ARHGAP10: variants seen among roughly 807,000 people sequenced by gnomAD.
The protein encoded by ARHGAP10 is rho GTPase-activating protein 10.
ARHGAP10 carries 87 observed loss-of-function variants against 108.6 expected under a neutral mutation model. The observed-to-expected ratio is 0.80, with a 90% CI of 0.67 to 0.96. The LOEUF is 0.96. ARHGAP10 is among the 40% of genes least tolerant of loss of function. The pLI is 0.00. For missense variants in ARHGAP10, 939 were observed against 954.5 expected (o/e 0.98, Z 0.21); for synonymous variants, 347 against 341.1 (o/e 1.02, Z -0.19).
In ARHGAP10 at chr4:147,932,622, G is replaced by A. The variant is rs547310146; in HGVS notation, c.1229-7203G>A. Among the ~76,000 whole-genome samples the A allele has an allele frequency of 5.3e-5, 8 of 151,206 alleles. No individual in the cohort carries two copies. In the East Asian group the frequency reaches 1.6e-3, roughly 29 times the overall value. On this transcript the variant is annotated intron_variant, in intron 13 of 22. Transcript: ENST00000336498. ...AAATAATAACACATGGACACATGGG[G>A]GGAACAACACACACTGGGACCTGTC...
intron 12 of ARHGAP10, among the ~76,000 whole-genome samples, chr4:147,912,416 C>T (rs886278175): frequency 1.3e-5 from 2 of 151,220 alleles, no homozygotes; most frequent in African/African-American, 4.9e-5. Flanking sequence ...TGGCGGGCAC[C>T]TGTAATGGCA....
At chr4:148,063,728 G>C (rs1263902743) in intron 21 of ARHGAP10, among the ~76,000 whole-genome samples, 1 of 152,214 alleles carries the variant, frequency 6.6e-6, no homozygotes. Context: ...TCCACCTGTA[G>C]TGGCTCAGGT....
In ARHGAP10 at chr4:147,866,768, C is replaced by G. The variant is rs995191186; in HGVS notation, c.654C>G (p.Ala218=). 7 of 1,613,656 alleles carry G rather than the reference C, an allele frequency of 4.3e-6. No individual in the cohort carries two copies. In the African/African-American group the frequency reaches 6.7e-5, roughly 15 times the overall value. The change falls in exon 7 of 23, where the codon GCC becomes GCG. Residue 218 remains alanine, a synonymous_variant. Coordinates refer to ENST00000336498, the MANE Select transcript of ARHGAP10 (RefSeq NM_024605.4). ...TCTATCATCAGGGCCATGAACTTGC[C>G]AAAGACTTCAATCACTACAAAATGG... ...FTFYHQGHEL[A]KDFNHYKMEL...
chr4:147,810,175 G>A (rs1169600609), intron 1 of ARHGAP10, among the ~76,000 whole-genome samples: 1 of 152,172 alleles, frequency 6.6e-6, no homozygotes, highest in Non-Finnish European at 1.5e-5. Flanking sequence ...ACCATTACAG[G>A]CGAGAGATCA....
intron 18 of ARHGAP10, 149 bp from the exon 19 acceptor site, chr4:148,023,114 C>A (rs1741631897): frequency 5.5e-6 from 4 of 726,800 alleles, no homozygotes; most frequent in Admixed American, 3.0e-5. Flanking sequence ...AAGGCTATGA[C>A]CTCTTCCCTT....
chr4:147,968,254 C>G (rs531924960), intron 18 of ARHGAP10, among the ~76,000 whole-genome samples: 1 of 152,278 alleles, frequency 6.6e-6, no homozygotes, highest in South Asian at 2.1e-4. Context: ...GCCTCTCTCC[C>G]GCTGTCTCAA....
At chr4:147,768,552 AT>A (rs1170435091) in intron 1 of ARHGAP10, among the ~76,000 whole-genome samples, 4 of 152,138 alleles carry the variant, frequency 2.6e-5, no homozygotes, top group African/African-American at 9.7e-5. Context: ...TACTTACTAA[AT>A]TTTCTCTGAA....
At chr4:147,800,674 GT>G (rs964339690) in intron 1 of ARHGAP10, among the ~76,000 whole-genome samples, 11 of 152,134 alleles carry the variant, frequency 7.2e-5, no homozygotes, top group African/African-American at 2.4e-4. Context: ...TCACAAACTG[GT>G]TTGTTTTCTT....
chr4:148,039,378 T>C (rs1432478722), intron 19 of ARHGAP10, among the ~76,000 whole-genome samples: 1 of 139,268 alleles, frequency 7.2e-6, no homozygotes, highest in Non-Finnish European at 1.5e-5. Context: ...ATTTTTTTTT[T>C]TTTTTTTTTT....
intron 1 of ARHGAP10, among the ~76,000 whole-genome samples, chr4:147,772,723 T>C (rs960374658): frequency 6.6e-6 from 1 of 152,264 alleles, no homozygotes; most frequent in Non-Finnish European, 1.5e-5. Flanking sequence ...ATTCTACAAA[T>C]GTTATTACAG....
At chr4:147,776,525 G>A (rs1424609955) in intron 1 of ARHGAP10, among the ~76,000 whole-genome samples, 1 of 152,146 alleles carries the variant, frequency 6.6e-6, no homozygotes, top group Admixed American at 6.5e-5. Flanking sequence ...CAGCCTGAGT[G>A]ATAGAATTTT....
intron 1 of ARHGAP10, among the ~76,000 whole-genome samples, chr4:147,770,095 G>A (rs1049150900): frequency 9.2e-5 from 14 of 152,296 alleles, no homozygotes; most frequent in South Asian, 4.1e-4. Context: ...ATTCCTGTCC[G>A]TCCTTGCCAC....
At chr4:148,011,977 C>T (rs1741186050) in intron 18 of ARHGAP10, among the ~76,000 whole-genome samples, 2 of 152,108 alleles carry the variant, frequency 1.3e-5, no homozygotes, top group South Asian at 4.1e-4. Context: ...TCTTAAAATC[C>T]CTTCTTGGAC....
intron 1 of ARHGAP10, among the ~76,000 whole-genome samples, chr4:147,787,752 C>T (rs1477825583): frequency 6.6e-6 from 1 of 152,156 alleles, no homozygotes; most frequent in Non-Finnish European, 1.5e-5. Flanking sequence ...CCAGTGACCA[C>T]TGAATCCTGT....
intron 12 of ARHGAP10, among the ~76,000 whole-genome samples, chr4:147,911,557 T>A (rs1420512946): frequency 2.0e-5 from 3 of 152,140 alleles, no homozygotes; most frequent in Admixed American, 6.6e-5. Flanking sequence ...AGAGACGGGG[T>A]TTCACCGTGT....
intron 3 of ARHGAP10, among the ~76,000 whole-genome samples, chr4:147,840,387 C>T (rs1396068447): frequency 6.6e-6 from 1 of 152,132 alleles, no homozygotes; most frequent in Admixed American, 6.5e-5. Context: ...TTCTCTTCCT[C>T]CCCACTCACA....
chr4:148,019,392 C>T lies in ARHGAP10; in HGVS notation c.1717-3871C>T, dbSNP rs145586405. 2.2e-3 allele frequency among the ~76,000 whole-genome samples: 338 copies of T among 152,284 alleles called. 4 individuals carry two copies. The highest frequency in any genetic ancestry group is 7.0e-3 in the African/African-American group (292 of 41,562). ...TTATAAACATTATGTCACTTAATCC[C>T]TGTAGTACAGGCATTATGGTTCTCA... On this transcript the variant is annotated intron_variant, in intron 18 of 22. Coordinates refer to ENST00000336498, the MANE Select transcript of ARHGAP10 (RefSeq NM_024605.4).
In ARHGAP10 at chr4:147,873,875, TAA is replaced by T. The variant is rs11339382; in HGVS notation, c.703-1133_703-1132del. 1.1e-3 allele frequency among the ~76,000 whole-genome samples: 149 copies of T among 132,400 alleles called. 4 individuals carry two copies. Among genetic ancestry groups the T allele is most frequent in the East Asian group, 8.0e-3 (35 of 4,390 alleles). The allele number at this position is 132,400 out of a possible 152,430, so 86.9% of individuals were successfully genotyped here. ...GGGAGACAGAGTGAGACCCTGTCTT[TAA>T]AAAAAAAAAAAAGGGGGGATAAGAA... On this transcript the variant is annotated intron_variant, in intron 7 of 22. Transcript: ENST00000336498.
At chr4:147,844,268 CA>C (rs1367085640) in intron 3 of ARHGAP10, among the ~76,000 whole-genome samples, 1 of 152,020 alleles carries the variant, frequency 6.6e-6, no homozygotes, top group Non-Finnish European at 1.5e-5. Context: ...TAGAGGCGTG[CA>C]ATGTATAATA....
Sources: gnomAD v4.1 joint callset for allele counts (sites outside exome capture counted in the v4.1 genomes callset) on GRCh38, gnomAD v4.1.1 for gene constraint, MANE v1.5 for transcripts, NCBI Gene and HGNC (gene_info 2026-07-23, HGNC 2026-07-21) for gene names.